ARFGEF2: variants seen among roughly 807,000 people sequenced by gnomAD.
ARFGEF2 encodes the protein brefeldin A-inhibited guanine nucleotide-exchange protein 2.
ARFGEF2 carries 74 observed loss-of-function variants against 219.9 expected under a neutral mutation model. That is an observed-to-expected ratio of 0.34 (90% CI 0.28 to 0.41). ARFGEF2 has a LOEUF of 0.41. Ranked by LOEUF, ARFGEF2 falls within the 10% of genes least tolerant of loss-of-function variation. The pLI, the probability that ARFGEF2 is intolerant of heterozygous loss-of-function variation, is 1.00. For missense variants in ARFGEF2, 1,743 were observed against 2,218.3 expected, an observed-to-expected ratio of 0.79 and a Z score of 4.30; for synonymous variants, 733 against 799.2, an observed-to-expected ratio of 0.92 and a Z score of 1.40.
intron 33 of ARFGEF2, among the ~76,000 whole-genome samples, chr20:49,018,110 T>C (rs2123540208): frequency 6.6e-6 from 1 of 152,368 alleles, no homozygotes; most frequent in South Asian, 2.1e-4. Flanking sequence ...CACTTTTAAA[T>C]ACTTTGGTTT....
rs373389198 is a variant in ARFGEF2 at position 48,966,327 on chromosome 20, T to C, written c.1059+304T>C. On this transcript the variant is annotated intron_variant, in intron 8 of 38. Transcript: ENST00000371917. ...CATTATAGAAAAATAAAATATATAG[T>C]TACCCGTCTTTCCTTCTCTGTATTG... Among the ~76,000 whole-genome samples the C allele has an allele frequency of 2.7e-4, 41 of 152,344 alleles. No homozygotes were observed. The East Asian group carries it at 7.3e-3, about 27-fold the overall frequency.
At chr20:48,982,278 C>T (rs1249759182) in intron 14 of ARFGEF2, among the ~76,000 whole-genome samples, 1 of 152,194 alleles carries the variant, frequency 6.6e-6, no homozygotes, top group Non-Finnish European at 1.5e-5. Context: ...TGGAGGTCCA[C>T]TCCAGACCCT....
chr20:48,971,496 C>T, intron 10 of ARFGEF2, 142 bp downstream of exon 10: 1 of 821,548 alleles, frequency 1.2e-6, no homozygotes, highest in Admixed American at 2.3e-5. Context: ...TCTTACCATC[C>T]TGGAACTCAG....
intron 3 of ARFGEF2, among the ~76,000 whole-genome samples, chr20:48,943,269 A>T (rs1323726608): frequency 6.6e-6 from 1 of 152,236 alleles, no homozygotes; most frequent in Non-Finnish European, 1.5e-5. Context: ...CAAATGACCA[A>T]AAAAGCCCCA....
At chr20:48,923,826 G>T (rs2090859019) in intron 1 of ARFGEF2, among the ~76,000 whole-genome samples, 1 of 152,184 alleles carries the variant, frequency 6.6e-6, no homozygotes, top group Non-Finnish European at 1.5e-5. Flanking sequence ...TTTCATCTGG[G>T]TCATGAAGGG....
Position 48,953,600 on chromosome 20 carries a change from C to T in ARFGEF2, c.648C>T (p.Pro216=). 1 of 1,614,162 alleles carries T rather than the reference C, an allele frequency of 6.2e-7. No individual in the cohort carries two copies. The highest frequency in any genetic ancestry group is 8.5e-7 in the Non-Finnish European group (1 of 1,180,042). The change falls in exon 6 of 39, where the codon CCC becomes CCT. Residue 216 remains proline (P), a synonymous_variant. Transcript: ENST00000371917. ...RELEKPIQSK[P]QSPVIQAAAV... is the part of the protein sequence containing the mutation. ...TGGAAAAACCAATCCAGTCAAAACC[C>T]CAGTCCCCTGTGATCCAAGCTGCAG...
chr20:48,939,058 A>C (rs1287503655), intron 1 of ARFGEF2, among the ~76,000 whole-genome samples: 1 of 147,996 alleles, frequency 6.8e-6, no homozygotes, highest in South Asian at 2.1e-4. Context: ...CACTGCAATT[A>C]CTGCTTCCCG....
chr20:48,944,022 C>A (rs1233926677), intron 3 of ARFGEF2, among the ~76,000 whole-genome samples: 1 of 152,180 alleles, frequency 6.6e-6, no homozygotes, highest in African/African-American at 2.4e-5. Flanking sequence ...AATATTTACT[C>A]TATTAATCTC....
Position 48,989,403 on chromosome 20 carries a change from C to T in ARFGEF2, c.2652C>T (p.Ala884=), listed in dbSNP as rs754160632. The T allele has an allele frequency of 8.7e-6, 14 of 1,614,266 alleles. No individual in the cohort carries two copies. The South Asian group carries it at 1.1e-4, about 13-fold the overall frequency. ...VSHAKAPFTS[A]THLDHVRPMF... Reference sequence around the variant, plus strand: ...ATGCCAAAGCCCCGTTTACCAGTGCCACTCACCTGGACCATGTCCGGCCAA... The same window carrying T: ...ATGCCAAAGCCCCGTTTACCAGTGCTACTCACCTGGACCATGTCCGGCCAA... The change falls in exon 19 of 39, where the codon GCC becomes GCT. Residue 884 remains alanine, a synonymous_variant. Coordinates refer to ENST00000371917, the MANE Select transcript of ARFGEF2 (RefSeq NM_006420.3).
chr20:48,931,303 G>T lies in ARFGEF2; in HGVS notation c.121+9293G>T, dbSNP rs1225632821. ...GGGAGCCAGTTCAAGGAGAGGTTTG[G>T]TAATGCAGAAAGAAGAAAGGACAGT... is the stretch of plus-strand genomic sequence containing the variant. On this transcript the variant is annotated intron_variant, in intron 1 of 38. Coordinates refer to ENST00000371917, the MANE Select transcript of ARFGEF2 (RefSeq NM_006420.3). 2.0e-5 allele frequency among the ~76,000 whole-genome samples: 3 copies of T among 151,856 alleles called. No individual in the cohort carries two copies. In the South Asian group the frequency reaches 6.2e-4, roughly 32 times the overall value.
chr20:48,925,599 G>A (rs1427035710), intron 1 of ARFGEF2, among the ~76,000 whole-genome samples: 1 of 152,170 alleles, frequency 6.6e-6, no homozygotes, highest in Non-Finnish European at 1.5e-5. Context: ...GCTTTAGGAG[G>A]CCAAGGTGGG....
At chr20:48,964,174 C>A (rs1426447609) in intron 7 of ARFGEF2, among the ~76,000 whole-genome samples, 2 of 152,252 alleles carry the variant, frequency 1.3e-5, no homozygotes, top group Non-Finnish European at 2.9e-5. Flanking sequence ...TTTGGGAGGC[C>A]AAGGCGGGCG....
At chr20:48,957,316 C>T (rs751485749) in intron 6 of ARFGEF2, among the ~76,000 whole-genome samples, 2 of 152,198 alleles carry the variant, frequency 1.3e-5, no homozygotes, top group Non-Finnish European at 2.9e-5. Flanking sequence ...CACATTCCCT[C>T]CCAAAACAAA....
At chr20:49,024,237 T>C (rs1447157749) in intron 35 of ARFGEF2, among the ~76,000 whole-genome samples, 2 of 152,148 alleles carry the variant, frequency 1.3e-5, no homozygotes, top group African/African-American at 4.8e-5. Flanking sequence ...CCTCCCAAAG[T>C]GTTGGGATTG....
At chr20:49,023,213 C>A (rs2091577036) in intron 35 of ARFGEF2, 32 bp downstream of exon 35, 2 of 1,613,318 alleles carry the variant, frequency 1.2e-6, no homozygotes, top group South Asian at 1.1e-5. Context: ...AAGAGCATCC[C>A]TGTCCATAGG....
At position 48,936,117 on chromosome 20, in the gene ARFGEF2, C is replaced by T. The variant is rs1336962558; in HGVS notation, c.122-5082C>T. Among the ~76,000 whole-genome samples the T allele has an allele frequency of 2.3e-4, 27 of 118,398 alleles. No individual in the cohort carries two copies. In the East Asian group the frequency reaches 4.0e-3, roughly 17 times the overall value. The allele number at this position is 118,398 out of a possible 152,430, so 77.7% of individuals were successfully genotyped here. On this transcript the variant is annotated intron_variant, in intron 1 of 38. Coordinates refer to ENST00000371917, the MANE Select transcript of ARFGEF2 (RefSeq NM_006420.3). ...CTCCCGGACGGGGCGGCTGGCCGGGCGGGGGGCTGACCCCCCCACCTCCCT... is the reference window on the plus strand; with the variant it reads ...CTCCCGGACGGGGCGGCTGGCCGGGTGGGGGGCTGACCCCCCCACCTCCCT...
chr20:48,936,303 C>T (rs1361437182), intron 1 of ARFGEF2, among the ~76,000 whole-genome samples: 2 of 138,328 alleles, frequency 1.4e-5, no homozygotes, highest in Admixed American at 7.0e-5. Context: ...GGGGGCTGAC[C>T]CCCCCCACCT....
At position 48,971,145 on chromosome 20, in the gene ARFGEF2, G is replaced by C. The variant is rs970042155; in HGVS notation, c.1216G>C (p.Val406Leu). ...PKSHELRSKV[V>L]SLQLLLSVLQ... Reference sequence around the variant, plus strand: ...ATCCCATGAGCTGCGTTCCAAGGTGGTTTCCCTGCAGCTGCTCCTCTCTGT... The same window carrying C: ...ATCCCATGAGCTGCGTTCCAAGGTGCTTTCCCTGCAGCTGCTCCTCTCTGT... The change falls in exon 10 of 39, where the codon GTT (valine) becomes CTT (leucine). Residue 406 changes from valine (V) to leucine (L), a missense_variant. This residue lies in a region of ARFGEF2 where 666 missense variants were observed against 955.4 expected (regional missense o/e 0.70). Coordinates refer to ENST00000371917, the MANE Select transcript of ARFGEF2 (RefSeq NM_006420.3). 4 of 1,614,100 alleles carry C rather than the reference G, an allele frequency of 2.5e-6. No individual in the cohort carries two copies. Among genetic ancestry groups the C allele is most frequent in the South Asian group, 1.1e-5 (1 of 91,068 alleles).
chr20:48,950,811 A>AAAAAATAT (rs1176537072), intron 3 of ARFGEF2, among the ~76,000 whole-genome samples: 10 of 64,502 alleles, frequency 1.6e-4, no homozygotes, highest in African/African-American at 2.2e-4. Context: ...AAAAAAAAAA[A>AAAAAATAT]ATATATATAT....
Sources: gnomAD v4.1 joint callset for allele counts (sites outside exome capture counted in the v4.1 genomes callset) on GRCh38, gnomAD v4.1.1 for gene constraint, gnomAD v4.1.1 regional missense constraint, MANE v1.5 for transcripts, NCBI Gene and HGNC (gene_info 2026-07-23, HGNC 2026-07-21) for gene names.